Variants in MBOAT2 observed in about 807,000 individuals in gnomAD.
The protein encoded by MBOAT2 is membrane-bound glycerophospholipid O-acyltransferase 2.
A neutral mutation model predicts 63.4 loss-of-function variants in MBOAT2; 28 were observed. The observed-to-expected ratio is 0.44, with a 90% confidence interval of 0.33 to 0.61. The LOEUF (loss-of-function observed/expected upper bound fraction) is 0.61. MBOAT2 is among the 20% of genes least tolerant of loss of function. The pLI is 0.03. For missense variants in MBOAT2, 470 were observed against 605.8 expected (o/e 0.78, Z 2.35); for synonymous variants, 211 against 215.6 (o/e 0.98, Z 0.19).
At chr2:8,875,871 C>G (rs1331243369) in intron 7 of MBOAT2, among the ~76,000 whole-genome samples, 4 of 152,216 alleles carry the variant, frequency 2.6e-5, no homozygotes, top group Non-Finnish European at 5.9e-5. Context: ...GACAAAACAC[C>G]TTTTTGGTAT....
At chr2:8,902,676 G>A (rs1665044139) in intron 4 of MBOAT2, among the ~76,000 whole-genome samples, 1 of 152,168 alleles carries the variant, frequency 6.6e-6, no homozygotes, top group South Asian at 2.1e-4. Context: ...TAAAGGCAGT[G>A]CATCTGGACT....
intron 4 of MBOAT2, among the ~76,000 whole-genome samples, chr2:8,892,464 A>AG (rs1453163705): frequency 6.6e-6 from 1 of 152,078 alleles, no homozygotes; most frequent in Non-Finnish European, 1.5e-5. Context: ...TGCTTCATTC[A>AG]GAAAAAAAAA....
At chr2:8,991,305 C>A (rs1308383390) in intron 1 of MBOAT2, among the ~76,000 whole-genome samples, 1 of 152,120 alleles carries the variant, frequency 6.6e-6, no homozygotes, top group Non-Finnish European at 1.5e-5. Context: ...CATAAAATAG[C>A]CTTGACAATG....
intron 4 of MBOAT2, among the ~76,000 whole-genome samples, chr2:8,888,830 C>T (rs1381200427): frequency 6.6e-6 from 1 of 151,898 alleles, no homozygotes; most frequent in Non-Finnish European, 1.5e-5. Context: ...GAGTCTGAGA[C>T]CACCCTGGTC....
chr2:8,860,960 A>G, intron 11 of MBOAT2, 196 bp from the exon 12 acceptor site: 1 of 384,438 alleles, frequency 2.6e-6, no homozygotes, highest in Non-Finnish European at 4.6e-6. Flanking sequence ...CACACTGTGT[A>G]TAAAAGACAG....
At chr2:8,885,733 A>C (rs1257065260) in intron 5 of MBOAT2, among the ~76,000 whole-genome samples, 3 of 152,230 alleles carry the variant, frequency 2.0e-5, no homozygotes. Flanking sequence ...AGGGTGATGA[A>C]ATGTCTTAAA....
chr2:8,949,426 A>T (rs1417235277), intron 2 of MBOAT2, among the ~76,000 whole-genome samples: 2 of 151,592 alleles, frequency 1.3e-5, no homozygotes, highest in Non-Finnish European at 2.9e-5. Flanking sequence ...TGCCCAGATA[A>T]AATGATGTTC....
chr2:8,887,411 G>C (rs1319261247), intron 5 of MBOAT2, among the ~76,000 whole-genome samples: 2 of 152,110 alleles, frequency 1.3e-5, no homozygotes, highest in Non-Finnish European at 2.9e-5. Context: ...CGGGGAGTGG[G>C]CACAGGATGG....
At chr2:8,902,866 G>A (rs1206309855) in intron 4 of MBOAT2, among the ~76,000 whole-genome samples, 4 of 152,204 alleles carry the variant, frequency 2.6e-5, no homozygotes, top group Non-Finnish European at 5.9e-5. Context: ...GGACACAAGT[G>A]GGTTGCTGCT....
At chr2:8,880,311 G>T (rs1016859393) in intron 6 of MBOAT2, among the ~76,000 whole-genome samples, 1 of 152,096 alleles carries the variant, frequency 6.6e-6, no homozygotes, top group Non-Finnish European at 1.5e-5. Flanking sequence ...TTGACTTGCT[G>T]GTGAAATGGA....
chr2:8,941,159 T>C (rs1668024310), intron 3 of MBOAT2, among the ~76,000 whole-genome samples: 1 of 152,066 alleles, frequency 6.6e-6, no homozygotes, highest in Non-Finnish European at 1.5e-5. Context: ...AGAAGGGAGC[T>C]AAAAAAGAGA....
intron 2 of MBOAT2, among the ~76,000 whole-genome samples, chr2:8,943,832 G>A (rs773100277): frequency 4.6e-5 from 7 of 152,146 alleles, no homozygotes; most frequent in Non-Finnish European, 7.4e-5. Context: ...TTAATTTGCT[G>A]TAACGTATCT....
intron 2 of MBOAT2, among the ~76,000 whole-genome samples, chr2:8,947,239 G>C (rs1668481737): frequency 6.6e-6 from 1 of 152,218 alleles, no homozygotes; most frequent in Non-Finnish European, 1.5e-5. Flanking sequence ...AATTCTAGTA[G>C]GGTGGAGAGA....
intron 3 of MBOAT2, among the ~76,000 whole-genome samples, chr2:8,934,794 G>C (rs934977578): frequency 3.3e-5 from 5 of 152,208 alleles, no homozygotes; most frequent in Middle Eastern, 3.4e-3. Context: ...AGTGAAGTTA[G>C]TATTTTCCCC....
intron 9 of MBOAT2, 141 bp downstream of exon 9, chr2:8,868,305 A>G (rs1242028205): frequency 3.0e-6 from 2 of 667,896 alleles, no homozygotes; most frequent in South Asian, 2.0e-5. Flanking sequence ...TTGACGACCA[A>G]TATGTATTGG....
intron 1 of MBOAT2, among the ~76,000 whole-genome samples, chr2:8,973,552 T>TAA (rs540916253): frequency 7.7e-6 from 1 of 130,264 alleles, no homozygotes; most frequent in East Asian, 2.2e-4. Flanking sequence ...TAACTCAAGC[T>TAA]AAAAAAAAAA....
intron 3 of MBOAT2, among the ~76,000 whole-genome samples, chr2:8,925,056 A>C (rs1283234535): frequency 2.0e-5 from 3 of 152,196 alleles, no homozygotes; most frequent in African/African-American, 7.2e-5. Context: ...CAACTGAGAA[A>C]GATGATCATC....
At chr2:8,926,133 G>A (rs1666915093) in intron 3 of MBOAT2, among the ~76,000 whole-genome samples, 1 of 151,976 alleles carries the variant, frequency 6.6e-6, no homozygotes, top group South Asian at 2.1e-4. Context: ...GTTTTGTTTT[G>A]TCTGATTTGA....
At chr2:8,891,103 T>A (rs542028780) in intron 4 of MBOAT2, among the ~76,000 whole-genome samples, 2 of 152,388 alleles carry the variant, frequency 1.3e-5, no homozygotes, top group South Asian at 4.1e-4. Context: ...TGCTTCATCA[T>A]ATTTTGGTTT....
Sources: gnomAD v4.1 joint callset for allele counts (sites outside exome capture counted in the v4.1 genomes callset) on GRCh38, gnomAD v4.1.1 for gene constraint, MANE v1.5 for transcripts, NCBI Gene and HGNC (gene_info 2026-07-23, HGNC 2026-07-21) for gene names.